Variants in NRXN1 observed in about 807,000 individuals in gnomAD.
NRXN1 encodes the protein neurexin 1.
Under a neutral mutation model 150.9 loss-of-function variants are expected in NRXN1, and 39 were observed. The observed-to-expected ratio is 0.26, with a 90% CI of 0.20 to 0.34. The LOEUF is 0.34. Ranked by LOEUF, NRXN1 falls within the 10% of genes least tolerant of loss-of-function variation. The pLI, the probability that NRXN1 is intolerant of heterozygous loss-of-function variation, is 1.00. For missense variants in NRXN1, 1,815 were observed against 1,949.9 expected, an observed-to-expected ratio of 0.93 and a Z score of 1.30; for synonymous variants, 924 against 757.0, an observed-to-expected ratio of 1.22 and a Z score of -3.62.
intron 5 of NRXN1, among the ~76,000 whole-genome samples, chr2:50,687,028 A>G (rs571546367): frequency 1.4e-4 from 22 of 152,336 alleles, no homozygotes; most frequent in African/African-American, 5.1e-4. Flanking sequence ...CTTAGGACTC[A>G]AAGTGCTTAG....
chr2:50,858,628 C>T (rs1356483830), intron 5 of NRXN1, among the ~76,000 whole-genome samples: 1 of 151,972 alleles, frequency 6.6e-6, no homozygotes, highest in Non-Finnish European at 1.5e-5. Context: ...TTCTTATTTG[C>T]AAATCATTCT....
intron 5 of NRXN1, among the ~76,000 whole-genome samples, chr2:50,870,795 A>G (rs895941408): frequency 6.6e-6 from 1 of 151,852 alleles, no homozygotes; most frequent in Non-Finnish European, 1.5e-5. Context: ...CGTTTGCAAA[A>G]GACCATATGC....
intron 12 of NRXN1, among the ~76,000 whole-genome samples, chr2:50,527,662 C>T (rs1027453614): frequency 3.9e-5 from 6 of 151,952 alleles, no homozygotes; most frequent in African/African-American, 7.2e-5. Flanking sequence ...GTCTTGTTTT[C>T]GCAAGTTTAA....
chr2:50,710,989 T>C (rs1455120497), intron 5 of NRXN1, among the ~76,000 whole-genome samples: 2 of 152,136 alleles, frequency 1.3e-5, no homozygotes, highest in African/African-American at 2.4e-5. Flanking sequence ...TAGAAAAGAA[T>C]ATTTACTGAC....
chr2:49,993,413 G>A (rs1682359605), intron 21 of NRXN1, among the ~76,000 whole-genome samples: 1 of 152,162 alleles, frequency 6.6e-6, no homozygotes, highest in Non-Finnish European at 1.5e-5. Flanking sequence ...TTATGGATAG[G>A]ATGAATAGGC....
chr2:50,764,157 TC>T (rs1702133066), intron 5 of NRXN1, among the ~76,000 whole-genome samples: 1 of 151,618 alleles, frequency 6.6e-6, no homozygotes, highest in Non-Finnish European at 1.5e-5. Flanking sequence ...GAGCAACATA[TC>T]CCCCTCTCTA....
intron 21 of NRXN1, among the ~76,000 whole-genome samples, chr2:49,955,631 A>G (rs1171371443): frequency 1.3e-5 from 2 of 151,902 alleles, no homozygotes; most frequent in African/African-American, 4.8e-5. Flanking sequence ...TACCTACATA[A>G]TATTCCTCAA....
intron 18 of NRXN1, among the ~76,000 whole-genome samples, chr2:50,092,014 G>A (rs1244326435): frequency 2.0e-5 from 3 of 152,112 alleles, no homozygotes; most frequent in Non-Finnish European, 4.4e-5. Context: ...AATACTAACA[G>A]CTTGAAAGTT....
intron 5 of NRXN1, among the ~76,000 whole-genome samples, chr2:50,744,646 AC>A (rs1419642235): frequency 6.6e-6 from 1 of 152,126 alleles, no homozygotes; most frequent in African/African-American, 2.4e-5. Flanking sequence ...GGTCCAGGCT[AC>A]TTAAGTGACT....
chr2:50,552,941 C>A lies in NRXN1; in HGVS notation c.1405G>T (p.Val469Leu), dbSNP rs1184582359. The stretch of plus-strand genomic sequence containing the variant: ...GCAACATTCTCACATTTAAATGCCA[C>A]CACTCCATGGATCTTCATCTTAGGA... ...GDPKMKIHGV[V>L]AFKCENVATL... is the part of the protein sequence containing the mutation. The change falls in exon 9 of 23, where the codon GTG becomes TTG. Residue 469 changes from valine (V) to leucine (L), a missense_variant. Around this residue, in one of 6 missense-constraint regions of NRXN1, gnomAD observed 638 missense variants for 652.6 expected, o/e 0.98. Transcript: ENST00000401669. The A allele has an allele frequency of 6.2e-7, 1 of 1,613,814 alleles. No homozygotes were observed. Among genetic ancestry groups the A allele is most frequent in the Non-Finnish European group, 8.5e-7 (1 of 1,179,728 alleles).
intron 18 of NRXN1, among the ~76,000 whole-genome samples, chr2:50,153,108 C>T (rs192618396): frequency 2.6e-5 from 4 of 151,702 alleles, no homozygotes; most frequent in Admixed American, 2.6e-4. Context: ...CCTGTCTGCT[C>T]AGTTCTGTAT....
chr2:50,345,094 T>C (rs182926737), intron 17 of NRXN1, among the ~76,000 whole-genome samples: 3 of 152,296 alleles, frequency 2.0e-5, no homozygotes, highest in Admixed American at 6.5e-5. Flanking sequence ...AGAGATCTAA[T>C]CTCTGTTACT....
At chr2:50,399,662 C>G (rs2082268542) in intron 17 of NRXN1, among the ~76,000 whole-genome samples, 1 of 151,632 alleles carries the variant, frequency 6.6e-6, no homozygotes, top group African/African-American at 2.4e-5. Flanking sequence ...TCGTGTGGCT[C>G]TCACCACTAA....
chr2:50,328,372 G>T (rs915827066), intron 17 of NRXN1, among the ~76,000 whole-genome samples: 6 of 152,102 alleles, frequency 3.9e-5, no homozygotes, highest in African/African-American at 7.2e-5. Context: ...AGTAACAGAA[G>T]AGATGAATGA....
chr2:50,670,915 T>A (rs987228180), intron 5 of NRXN1, among the ~76,000 whole-genome samples: 18 of 151,896 alleles, frequency 1.2e-4, no homozygotes, highest in African/African-American at 4.3e-4. Flanking sequence ...CTTGGTTTAG[T>A]TGGTGTCCGC....
intron 2 of NRXN1, among the ~76,000 whole-genome samples, chr2:50,939,738 A>G (rs1689118326): frequency 6.6e-6 from 1 of 152,224 alleles, no homozygotes. Context: ...ACAATTCAAA[A>G]TAACCACATC....
chr2:50,386,352 T>C (rs181187766), intron 17 of NRXN1, among the ~76,000 whole-genome samples: 2,217 of 149,478 alleles, frequency 0.015, 54 homozygotes, highest in African/African-American at 0.051. Flanking sequence ...TTATCTTAGA[T>C]TTTTTTTTCA....
chr2:50,348,726 T>C (rs1026479398), intron 17 of NRXN1, among the ~76,000 whole-genome samples: 3 of 152,188 alleles, frequency 2.0e-5, no homozygotes, highest in African/African-American at 4.8e-5. Context: ...TGAACTTGGC[T>C]AGGAGGACCA....
chr2:50,252,093 C>A (rs1001944453), intron 17 of NRXN1, among the ~76,000 whole-genome samples: 1 of 151,204 alleles, frequency 6.6e-6, no homozygotes, highest in Non-Finnish European at 1.5e-5. Flanking sequence ...ATGTTTTTGT[C>A]ATGAAATCTT....
Sources: gnomAD v4.1 joint callset for allele counts (sites outside exome capture counted in the v4.1 genomes callset) on GRCh38, gnomAD v4.1.1 for gene constraint, gnomAD v4.1.1 regional missense constraint, MANE v1.5 for transcripts, NCBI Gene and HGNC (gene_info 2026-07-23, HGNC 2026-07-21) for gene names.